STEAP1B: variants seen among roughly 807,000 people sequenced by gnomAD.
The protein encoded by STEAP1B is STEAP family member 1B.
A neutral mutation model predicts 27.9 loss-of-function variants in STEAP1B; 13 were observed. That is an observed-to-expected ratio of 0.47 (90% CI 0.30 to 0.74). The LOEUF is 0.74. STEAP1B is among the 30% of genes least tolerant of loss of function. STEAP1B has a pLI of 0.06. For synonymous variants in STEAP1B, 86 were observed against 107.1 expected (o/e 0.80, Z 1.22); for missense variants, 250 against 298.7 (o/e 0.84, Z 1.20).
At chr7:22,495,970 C>T (rs1786433331) in intron 1 of STEAP1B, among the ~76,000 whole-genome samples, 1 of 152,180 alleles carries the variant, frequency 6.6e-6, no homozygotes, top group Non-Finnish European at 1.5e-5. Flanking sequence ...AAAGAGCTAA[C>T]TGTAAACAGC....
intron 4 of STEAP1B, among the ~76,000 whole-genome samples, chr7:22,476,884 G>A (rs745344118): frequency 1.2e-4 from 19 of 152,130 alleles, no homozygotes; most frequent in African/African-American, 4.6e-4. Flanking sequence ...CACTCGTGTT[G>A]GGAGAATTCA....
At chr7:22,475,554 G>A (rs1323448700) in intron 4 of STEAP1B, among the ~76,000 whole-genome samples, 1 of 152,218 alleles carries the variant, frequency 6.6e-6, no homozygotes, top group African/African-American at 2.4e-5. Context: ...ACTTTTTGCA[G>A]AGAAGGGGCC....
intron 4 of STEAP1B, among the ~76,000 whole-genome samples, chr7:22,455,823 T>C (rs1167043475): frequency 6.6e-6 from 1 of 152,222 alleles, no homozygotes; most frequent in East Asian, 1.9e-4. Flanking sequence ...TGCACTTGCC[T>C]AAAAAGGCAA....
intron 4 of STEAP1B, among the ~76,000 whole-genome samples, chr7:22,471,742 A>G (rs1240728619): frequency 6.6e-6 from 1 of 152,036 alleles, no homozygotes; most frequent in Non-Finnish European, 1.5e-5. Flanking sequence ...TCTCTACAAA[A>G]TATTTTAAAA....
At chr7:22,465,738 T>C (rs764804024) in intron 4 of STEAP1B, among the ~76,000 whole-genome samples, 1 of 152,140 alleles carries the variant, frequency 6.6e-6, no homozygotes, top group African/African-American at 2.4e-5. Context: ...GGCTTGCATA[T>C]GGGGGAGACA....
intron 4 of STEAP1B, among the ~76,000 whole-genome samples, chr7:22,440,190 G>A (rs1264683899): frequency 6.6e-6 from 1 of 152,086 alleles, no homozygotes; most frequent in African/African-American, 2.4e-5. Context: ...ACCAGATCGA[G>A]GGGGGAAATT....
chr7:22,492,144 C>T (rs1786333924), intron 4 of STEAP1B, among the ~76,000 whole-genome samples: 1 of 151,334 alleles, frequency 6.6e-6, no homozygotes, highest in African/African-American at 2.4e-5. Context: ...CATGGTGAAA[C>T]CCTGTCTCTA....
chr7:22,478,675 T>A (rs1786014941), intron 4 of STEAP1B, among the ~76,000 whole-genome samples: 1 of 152,174 alleles, frequency 6.6e-6, no homozygotes, highest in Non-Finnish European at 1.5e-5. Flanking sequence ...ATAAAAATCT[T>A]ACTTGGGGGG....
At chr7:22,486,299 C>CA (rs1323303756) in intron 4 of STEAP1B, among the ~76,000 whole-genome samples, 1 of 152,210 alleles carries the variant, frequency 6.6e-6, no homozygotes, top group African/African-American at 2.4e-5. Context: ...ATCCCATTGG[C>CA]ACTGTGGAGT....
chr7:22,456,801 A>G (rs1353768881), intron 4 of STEAP1B, among the ~76,000 whole-genome samples: 5 of 151,070 alleles, frequency 3.3e-5, no homozygotes, highest in African/African-American at 1.2e-4. Flanking sequence ...ATGTAGTGCC[A>G]CAGGGATGGC....
chr7:22,497,472 T>G (rs1333989374), intron 1 of STEAP1B, among the ~76,000 whole-genome samples: 2 of 152,174 alleles, frequency 1.3e-5, no homozygotes, highest in African/African-American at 4.8e-5. Context: ...TTCCCTTTTT[T>G]TTTGGTTTAA....
intron 4 of STEAP1B, among the ~76,000 whole-genome samples, chr7:22,455,503 A>G (rs1785563585): frequency 1.3e-5 from 2 of 152,214 alleles, no homozygotes; most frequent in African/African-American, 4.8e-5. Flanking sequence ...AGCTTTTCAT[A>G]TACTTGTTAG....
At chr7:22,490,753 G>A (rs1409389293) in intron 4 of STEAP1B, among the ~76,000 whole-genome samples, 1 of 152,216 alleles carries the variant, frequency 6.6e-6, no homozygotes, top group Non-Finnish European at 1.5e-5. Context: ...CATGAAGAAA[G>A]TAGTGTGTAT....
At chr7:22,498,384 G>C (rs977955202) in intron 1 of STEAP1B, among the ~76,000 whole-genome samples, 7 of 152,082 alleles carry the variant, frequency 4.6e-5, no homozygotes, top group African/African-American at 9.7e-5. Flanking sequence ...CAACTTAATA[G>C]TTTGTGGGGT....
Position 22,419,694 on chromosome 7 carries a change from T to A in STEAP1B, c.*110A>T. 5 of 1,266,394 alleles carry A rather than the reference T, an allele frequency of 3.9e-6. No homozygotes were observed. Among genetic ancestry groups the A allele is most frequent in the Non-Finnish European group, 5.4e-6 (5 of 929,698 alleles). 78.4% of individuals were successfully genotyped at this position (1,266,394 alleles called of 1,614,324 possible). On this transcript the variant is annotated 3_prime_UTR_variant, in exon 5 of 5. Transcript: ENST00000678116. ...GAGCAGCCGTCACCTGCAGCATGGC[T>A]GTTCATTGTGGCAGAGGGAAAGGGC...
In STEAP1B at chr7:22,439,510, T is replaced by C. The variant is rs1430401673; in HGVS notation, c.763-19674A>G. On this transcript the variant is annotated intron_variant, in intron 4 of 4. Coordinates refer to ENST00000678116, the MANE Select transcript of STEAP1B (RefSeq NM_001382447.1). ...TTCTCAGGTAAAACGTCTGACATTG[T>C]TGGGACTGCTGCTATAAATTCAGTT... Among the ~76,000 whole-genome samples, 5 of 152,180 alleles carry C rather than the reference T, an allele frequency of 3.3e-5. No homozygotes were observed. The East Asian group carries it at 9.6e-4, about 29-fold the overall frequency.
At chr7:22,429,349 T>C (rs1785149467) in intron 4 of STEAP1B, among the ~76,000 whole-genome samples, 3 of 152,172 alleles carry the variant, frequency 2.0e-5, no homozygotes. Context: ...GAAAAATGAA[T>C]AAACTAGAGC....
At chr7:22,498,148 T>G (rs1025914245) in intron 1 of STEAP1B, among the ~76,000 whole-genome samples, 2 of 152,336 alleles carry the variant, frequency 1.3e-5, no homozygotes, top group African/African-American at 4.8e-5. Flanking sequence ...ACTCCCCTCC[T>G]GCTGTGCAGC....
At chr7:22,463,320 G>C (rs1785712556) in intron 4 of STEAP1B, among the ~76,000 whole-genome samples, 1 of 152,026 alleles carries the variant, frequency 6.6e-6, no homozygotes, top group Non-Finnish European at 1.5e-5. Context: ...ACAAACAAAT[G>C]CAAGAACATT....
Sources: allele counts gnomAD v4.1 joint callset (sites outside exome capture counted in the v4.1 genomes callset), GRCh38; gene constraint gnomAD v4.1.1; transcripts MANE v1.5; gene names NCBI Gene and HGNC (gene_info 2026-07-23, HGNC 2026-07-21).